CC2D2A: variants seen among roughly 807,000 people sequenced by gnomAD.
CC2D2A encodes coiled-coil and C2 domain containing 2A.
Under a neutral mutation model 212.9 loss-of-function variants are expected in CC2D2A, and 155 were observed. The ratio of observed to expected loss-of-function variants is 0.73; its 90% CI spans 0.64 to 0.83. The LOEUF is 0.83. CC2D2A is among the 40% of genes least tolerant of loss of function. CC2D2A has a pLI of 0.00. For synonymous variants in CC2D2A, 667 were observed against 686.5 expected (o/e 0.97, Z 0.44); for missense variants, 1,856 against 1,956.2 (o/e 0.95, Z 0.97).
chr4:15,537,476 T>C (rs894607129), intron 15 of CC2D2A, among the ~76,000 whole-genome samples: 12 of 152,172 alleles, frequency 7.9e-5, no homozygotes, highest in African/African-American at 2.9e-4. Context: ...CACATGACCC[T>C]ACAAAACTGA....
chr4:15,490,767 A>C (rs1358217166), intron 4 of CC2D2A, among the ~76,000 whole-genome samples: 1 of 152,188 alleles, frequency 6.6e-6, no homozygotes, highest in South Asian at 2.1e-4. Context: ...TGAAAACCAC[A>C]AGCAGACAGC....
chr4:15,531,717 T>C (rs1012590053), intron 13 of CC2D2A, among the ~76,000 whole-genome samples: 2 of 152,226 alleles, frequency 1.3e-5, no homozygotes, highest in African/African-American at 4.8e-5. Flanking sequence ...TTAGCTCGTA[T>C]GCAAATTTTT....
chr4:15,505,689 G>A (rs889823559), intron 6 of CC2D2A, among the ~76,000 whole-genome samples: 4 of 152,122 alleles, frequency 2.6e-5, no homozygotes, highest in Admixed American at 6.6e-5. Context: ...TTGATCTGAC[G>A]CCCAAAGCAC....
chr4:15,479,541 G>C (rs1158813970), intron 3 of CC2D2A, among the ~76,000 whole-genome samples: 2 of 152,030 alleles, frequency 1.3e-5, no homozygotes, highest in African/African-American at 4.8e-5. Flanking sequence ...CTCCCTCCTA[G>C]CTCCCCCCTT....
At chr4:15,582,081 G>A (rs1448027786) in intron 30 of CC2D2A, among the ~76,000 whole-genome samples, 2 of 152,002 alleles carry the variant, frequency 1.3e-5, no homozygotes, top group Non-Finnish European at 2.9e-5. Flanking sequence ...AGAAATTTGG[G>A]GAATTTAAAG....
At chr4:15,519,672 T>G (rs1355630510) in intron 11 of CC2D2A, 2 of 433,036 alleles carry the variant, frequency 4.6e-6, no homozygotes, top group South Asian at 1.7e-5. Flanking sequence ...GAGGAGCAAG[T>G]CACATCTAAC....
intron 16 of CC2D2A, 130 bp from the exon 17 acceptor site, chr4:15,540,707 A>C: frequency 1.2e-6 from 1 of 802,410 alleles, no homozygotes; most frequent in African/African-American, 1.7e-5. Context: ...CCTCTGGTTA[A>C]ATGAGGGCTG....
rs1340682548 is a variant in CC2D2A, at chr4:15,567,733, T to C, written c.3345T>C (p.Thr1115=). The change falls in exon 26 of 37, where the codon ACT becomes ACC. Residue 1115 remains threonine (T), a synonymous_variant. Transcript: ENST00000424120. ...TTCAACGAACAGTTTGCCATACGAC[T>C]ACGGCTGAAGGACCAAACCCTAGCT... The part of the protein sequence containing the change: ...VSFQRTVCHT[T]TAEGPNPSWN... 2 of 1,605,880 alleles carry C rather than the reference T, an allele frequency of 1.2e-6. No homozygotes were observed. The highest frequency in any genetic ancestry group is 1.1e-5 in the South Asian group (1 of 88,656).
chr4:15,494,267 G>A (rs1250866492), intron 4 of CC2D2A, among the ~76,000 whole-genome samples: 4 of 152,184 alleles, frequency 2.6e-5, no homozygotes. Context: ...AAGAGCAAGG[G>A]GCACTGGGCA....
At chr4:15,471,293 G>A (rs1245173678) in intron 1 of CC2D2A, among the ~76,000 whole-genome samples, 1 of 152,128 alleles carries the variant, frequency 6.6e-6, no homozygotes, top group Non-Finnish European at 1.5e-5. Context: ...ACCATAAATG[G>A]AAACAGCAAG....
rs778816692 is a variant in CC2D2A, at chr4:15,586,254, G to A, written c.4065+8G>A. On this transcript the variant is annotated splice_region_variant and intron_variant, in intron 31 of 36. Coordinates refer to ENST00000424120, the MANE Select transcript of CC2D2A (RefSeq NM_001378615.1). ...CTCTGGAGCACATCTGATGTAAGTA[G>A]TTCTTCTTCACAGATTTAGAAACTT... 10 of 1,528,548 alleles carry A rather than the reference G, an allele frequency of 6.5e-6. No individual in the cohort carries two copies. The East Asian group carries it at 2.3e-4, about 36-fold the overall frequency. The allele number at this position is 1,528,548 out of a possible 1,614,324, so 94.7% of individuals were successfully genotyped here.
At chr4:15,470,683 CTCTCTCTATA>C (rs1713710716) in intron 1 of CC2D2A, among the ~76,000 whole-genome samples, 5 of 54,340 alleles carry the variant, frequency 9.2e-5, no homozygotes, top group African/African-American at 2.1e-4. Flanking sequence ...CTCTCTCTCT[CTCTCTCTATA>C]TATATATATA....
intron 5 of CC2D2A, 126 bp from the exon 6 acceptor site, chr4:15,502,696 T>C (rs1181115583): frequency 3.9e-6 from 4 of 1,021,840 alleles, no homozygotes; most frequent in Non-Finnish European, 5.8e-6. Context: ...CTTCAGAATT[T>C]AATGTCACTT....
chr4:15,539,290 TATC>T (rs1718298997), intron 16 of CC2D2A, among the ~76,000 whole-genome samples: 1 of 152,190 alleles, frequency 6.6e-6, no homozygotes, highest in Admixed American at 6.5e-5. Context: ...TGTTATGGTA[TATC>T]ATCATTAATT....
intron 23 of CC2D2A, among the ~76,000 whole-genome samples, chr4:15,562,554 ACCT>A (rs1452360769): frequency 2.0e-5 from 3 of 151,794 alleles, no homozygotes; most frequent in Admixed American, 6.6e-5. Context: ...TCCTCCCTAT[ACCT>A]CCTCCTCTTC....
At chr4:15,500,904 C>G (rs879452542) in intron 4 of CC2D2A, among the ~76,000 whole-genome samples, 4 of 152,146 alleles carry the variant, frequency 2.6e-5, no homozygotes, top group Non-Finnish European at 4.4e-5. Flanking sequence ...TGAAAGCCTT[C>G]CCAAGCCTTT....
chr4:15,592,929 C>T (rs1457338658), intron 33 of CC2D2A, among the ~76,000 whole-genome samples: 2 of 152,142 alleles, frequency 1.3e-5, no homozygotes, highest in Non-Finnish European at 2.9e-5. Flanking sequence ...TTCAAACCCT[C>T]GAATTATTCT....
At position 15,580,188 on chromosome 4, in the gene CC2D2A, C is replaced by CA. The variant is rs766892031; in HGVS notation, c.3975+19dup. On this transcript the variant is annotated intron_variant, in intron 30 of 36. Coordinates refer to ENST00000424120, the MANE Select transcript of CC2D2A (RefSeq NM_001378615.1). The stretch of plus-strand genomic sequence containing the variant: ...GCAACTGCAGTAAGTATTTCATAGT[C>CA]AATAAGTGCTGTGCTAAAACTGTTT... The CA allele has an allele frequency of 6.3e-7, 1 of 1,579,924 alleles. No homozygotes were observed. Among genetic ancestry groups the CA allele is most frequent in the African/African-American group, 1.3e-5 (1 of 74,194 alleles).
In CC2D2A at chr4:15,550,821, C is replaced by T. The variant is rs1560177957; in HGVS notation, c.2182-3C>T. On this transcript the variant is annotated splice_region_variant and splice_polypyrimidine_tract_variant and intron_variant, in intron 17 of 36. Coordinates refer to ENST00000424120, the MANE Select transcript of CC2D2A (RefSeq NM_001378615.1). ...TTGGCTATTTCTCTTCTCTGGTTTT[C>T]AGGTCTATGAAACTGTCGGACACAG... is the stretch of plus-strand genomic sequence containing the variant. 4 of 1,553,538 alleles carry T rather than the reference C, an allele frequency of 2.6e-6. No individual in the cohort carries two copies. Among genetic ancestry groups the T allele is most frequent in the South Asian group, 1.2e-5 (1 of 84,638 alleles).
Sources: gnomAD v4.1 joint callset for allele counts (sites outside exome capture counted in the v4.1 genomes callset) on GRCh38, gnomAD v4.1.1 for gene constraint, MANE v1.5 for transcripts, NCBI Gene and HGNC (gene_info 2026-07-23, HGNC 2026-07-21) for gene names.